PARD3: variants seen among roughly 807,000 people sequenced by gnomAD.
PARD3 encodes partitioning defective 3 homolog.
Under a neutral mutation model 155.4 loss-of-function variants are expected in PARD3, and 75 were observed. The observed-to-expected ratio is 0.48, with a 90% CI of 0.40 to 0.58. The LOEUF (loss-of-function observed/expected upper bound fraction) is 0.58, where lower values mean the gene tolerates loss of function less well. Among genes scored for constraint, PARD3 ranks in the 20% least tolerant of loss-of-function variants. The pLI, the probability that PARD3 is intolerant of heterozygous loss-of-function variation, is 0.00. For synonymous variants in PARD3, 576 were observed against 610.5 expected (o/e 0.94, Z 0.83); for missense variants, 1,642 against 1,721.7 (o/e 0.95, Z 0.82).
At chr10:34,768,843 CAG>C (rs756115291) in intron 1 of PARD3, among the ~76,000 whole-genome samples, 3 of 152,248 alleles carry the variant, frequency 2.0e-5, no homozygotes, top group Non-Finnish European at 4.4e-5. Context: ...TGAGCGCACT[CAG>C]GGTGCGGCTC....
intron 22 of PARD3, among the ~76,000 whole-genome samples, chr10:34,132,215 A>G (rs1043908852): frequency 2.0e-5 from 3 of 152,236 alleles, no homozygotes; most frequent in African/African-American, 7.2e-5. Context: ...TCATTTAACC[A>G]TCTAGTTAAT....
At chr10:34,493,968 G>A (rs2133351677) in intron 3 of PARD3, among the ~76,000 whole-genome samples, 1 of 152,224 alleles carries the variant, frequency 6.6e-6, no homozygotes, top group Non-Finnish European at 1.5e-5. Flanking sequence ...TTGGTAGCCT[G>A]AATCTGGCCA....
At chr10:34,662,192 A>T (rs2093342284) in intron 2 of PARD3, among the ~76,000 whole-genome samples, 1 of 152,116 alleles carries the variant, frequency 6.6e-6, no homozygotes, top group African/African-American at 2.4e-5. Context: ...TGCAAATCAA[A>T]ACTACAATGA....
chr10:34,630,060 A>C (rs1378059388), intron 2 of PARD3, among the ~76,000 whole-genome samples: 1 of 152,152 alleles, frequency 6.6e-6, no homozygotes, highest in African/African-American at 2.4e-5. Context: ...GCCTAAACTT[A>C]GGGCCTATCA....
At chr10:34,317,085 G>A (rs1224937633) in intron 20 of PARD3, 22 bp downstream of exon 20, 4 of 1,534,278 alleles carry the variant, frequency 2.6e-6, no homozygotes, top group Non-Finnish European at 3.5e-6. Context: ...GGAGATTCTG[G>A]TTTGGGATGG....
chr10:34,433,851 G>A (rs2076064504), intron 5 of PARD3, among the ~76,000 whole-genome samples: 1 of 152,276 alleles, frequency 6.6e-6, no homozygotes, highest in Admixed American at 6.5e-5. Context: ...GTTACGCTAG[G>A]CTGCAAACGT....
chr10:34,767,701 C>A (rs1838281417), intron 1 of PARD3, among the ~76,000 whole-genome samples: 1 of 151,868 alleles, frequency 6.6e-6, no homozygotes, highest in Non-Finnish European at 1.5e-5. Flanking sequence ...TGGGTTCATG[C>A]GATTCTCCTG....
chr10:34,374,667 C>T (rs1027804678), intron 11 of PARD3, among the ~76,000 whole-genome samples: 1 of 152,114 alleles, frequency 6.6e-6, no homozygotes, highest in African/African-American at 2.4e-5. Flanking sequence ...TGTTTAAGTA[C>T]CCCTCCATTC....
chr10:34,205,644 G>A (rs1003712456), intron 22 of PARD3, among the ~76,000 whole-genome samples: 1 of 152,178 alleles, frequency 6.6e-6, no homozygotes, highest in African/African-American at 2.4e-5. Context: ...GTGAAGCGAT[G>A]TGTGTGGTGA....
intron 15 of PARD3, chr10:34,345,025 A>G: frequency 2.0e-6 from 2 of 985,118 alleles, no homozygotes; most frequent in Non-Finnish European, 2.4e-6. Context: ...CCAGGATAGA[A>G]TAAGATCTGG....
intron 2 of PARD3, among the ~76,000 whole-genome samples, chr10:34,539,847 T>C (rs2083479517): frequency 6.6e-6 from 1 of 152,148 alleles, no homozygotes; most frequent in East Asian, 1.9e-4. Context: ...CGGGAGTGTG[T>C]ACACCAAAGA....
chr10:34,479,358 T>C (rs1302883072), intron 3 of PARD3, among the ~76,000 whole-genome samples: 1 of 152,026 alleles, frequency 6.6e-6, no homozygotes, highest in Non-Finnish European at 1.5e-5. Flanking sequence ...AGACAGGGTT[T>C]CACTGTGTTA....
chr10:34,757,200 A>C (rs1836850670), intron 1 of PARD3, among the ~76,000 whole-genome samples: 1 of 152,214 alleles, frequency 6.6e-6, no homozygotes, highest in Non-Finnish European at 1.5e-5. Flanking sequence ...CAATATCTGC[A>C]CAGGAGGTTC....
chr10:34,582,834 C>T (rs547261426), intron 2 of PARD3, among the ~76,000 whole-genome samples: 3 of 152,318 alleles, frequency 2.0e-5, no homozygotes, highest in Admixed American at 6.5e-5. Flanking sequence ...GCTAATTGTA[C>T]CTCACAAAAG....
At chr10:34,741,338 C>T (rs1389523697) in intron 1 of PARD3, among the ~76,000 whole-genome samples, 2 of 151,744 alleles carry the variant, frequency 1.3e-5, no homozygotes, top group Non-Finnish European at 2.9e-5. Flanking sequence ...CATGCACCAC[C>T]ACATCTGGCT....
intron 12 of PARD3, among the ~76,000 whole-genome samples, chr10:34,371,693 C>CTATGGAAA (rs1408949860): frequency 1.3e-5 from 2 of 151,872 alleles, no homozygotes; most frequent in Non-Finnish European, 2.9e-5. Flanking sequence ...ACATTACCTA[C>CTATGGAAA]TATGGAAATG....
chr10:34,603,657 A>C (rs1209471335), intron 2 of PARD3, among the ~76,000 whole-genome samples: 1 of 152,208 alleles, frequency 6.6e-6, no homozygotes, highest in African/African-American at 2.4e-5. Flanking sequence ...AGAGGCAAGT[A>C]ATAGTACGTG....
intron 5 of PARD3, among the ~76,000 whole-genome samples, chr10:34,420,513 G>A (rs923486070): frequency 6.6e-5 from 10 of 152,054 alleles, no homozygotes; most frequent in South Asian, 4.1e-4. Context: ...AATTCAATGC[G>A]CCTCACTATG....
intron 1 of PARD3, among the ~76,000 whole-genome samples, chr10:34,777,003 A>ATTTTTTTTTTT (rs758917237): frequency 2.1e-4 from 26 of 122,406 alleles, no homozygotes; most frequent in African/African-American, 7.8e-4. Context: ...TGTCTGGCTA[A>ATTTTTTTTTTT]TTTTTTTTTT....
Sources: gnomAD v4.1 joint callset for allele counts (sites outside exome capture counted in the v4.1 genomes callset) on GRCh38, gnomAD v4.1.1 for gene constraint, MANE v1.5 for transcripts, NCBI Gene and HGNC (gene_info 2026-07-23, HGNC 2026-07-21) for gene names.